The following RICTOR variants were observed in gnomAD, a reference collection of about 807,000 sequenced individuals.
RICTOR encodes RPTOR independent companion of MTOR complex 2.
Under a neutral mutation model 214.9 loss-of-function variants are expected in RICTOR, and 49 were observed. That is an observed-to-expected ratio of 0.23 (90% CI 0.18 to 0.29). The LOEUF (loss-of-function observed/expected upper bound fraction) is 0.29, where lower values mean the gene tolerates loss of function less well. Among genes scored for constraint, RICTOR ranks in the 10% least tolerant of loss-of-function variants. The pLI, the probability that RICTOR is intolerant of heterozygous loss-of-function variation, is 1.00. For synonymous variants in RICTOR, 717 were observed against 711.3 expected (o/e 1.01, Z -0.13); for missense variants, 1,625 against 2,047.0 (o/e 0.79, Z 3.98).
intron 2 of RICTOR, among the ~76,000 whole-genome samples, chr5:39,039,844 T>C (rs949371491): frequency 2.6e-5 from 4 of 152,008 alleles, no homozygotes; most frequent in South Asian, 2.1e-4. Context: ...TGTGGAGAAA[T>C]AGGAACACTT....
Position 39,017,972 on chromosome 5 carries a change from A to T in RICTOR, c.195+3067T>A, listed in dbSNP as rs116312916. Among the ~76,000 whole-genome samples the T allele has an allele frequency of 5.0e-3, 755 of 152,252 alleles. 10 individuals carry two copies. The highest frequency in any genetic ancestry group is 0.017 in the African/African-American group (725 of 41,554). ...CGATACCAATACTGATGAACTGTGGATCATATTTTGAGCAGCAAGGGATTA... is the reference window on the plus strand; with the variant it reads ...CGATACCAATACTGATGAACTGTGGTTCATATTTTGAGCAGCAAGGGATTA... On this transcript the variant is annotated intron_variant, in intron 3 of 37. Coordinates refer to ENST00000357387, the MANE Select transcript of RICTOR (RefSeq NM_152756.5).
chr5:39,020,970 A>G (rs1272978078), intron 3 of RICTOR, 69 bp downstream of exon 3: 4 of 811,888 alleles, frequency 4.9e-6, no homozygotes, highest in Non-Finnish European at 6.6e-6. Flanking sequence ...AATGATGGTC[A>G]AGAAACATTT....
In RICTOR at chr5:38,971,794, T is replaced by C; in HGVS notation, c.972+83A>G. On this transcript the variant is annotated intron_variant, in intron 11 of 37. Transcript: ENST00000357387. The stretch of plus-strand genomic sequence containing the variant: ...ATTAACAACTAATGAGGAAAACACA[T>C]CACCTGAAATAATTTTTTTTTTATA... 8.9e-6 allele frequency: 6 copies of C among 674,326 alleles called. No homozygotes were observed. The South Asian group carries it at 1.1e-4, about 12-fold the overall frequency. The allele number at this position is 674,326 out of a possible 1,614,324, so 41.8% of individuals were successfully genotyped here.
chr5:38,999,572 T>C (rs1753456008), intron 5 of RICTOR, among the ~76,000 whole-genome samples: 1 of 151,940 alleles, frequency 6.6e-6, no homozygotes, highest in Non-Finnish European at 1.5e-5. Flanking sequence ...AAAGACTTCA[T>C]AGCCAAGACA....
Position 39,025,802 on chromosome 5 carries a change from T to C in RICTOR, c.98-4666A>G, listed in dbSNP as rs117727981. Among the ~76,000 whole-genome samples, 19 of 152,296 alleles carry C rather than the reference T, an allele frequency of 1.2e-4. No homozygotes were observed. In the East Asian group the frequency reaches 1.7e-3, roughly 14 times the overall value. ...TACCTCCCAGAGGCCCACCTCCTAA[T>C]ACCAATACGTTACGGGTTAGGATTT... is the stretch of plus-strand genomic sequence containing the variant. On this transcript the variant is annotated intron_variant, in intron 2 of 37. Transcript: ENST00000357387.
At chr5:38,997,327 T>C (rs1753253824) in intron 5 of RICTOR, among the ~76,000 whole-genome samples, 1 of 152,220 alleles carries the variant, frequency 6.6e-6, no homozygotes, top group Non-Finnish European at 1.5e-5. Context: ...AATTCTATCT[T>C]ACCAAAATAT....
intron 2 of RICTOR, among the ~76,000 whole-genome samples, chr5:39,060,652 A>T (rs1758480753): frequency 6.6e-6 from 1 of 152,028 alleles, no homozygotes; most frequent in Admixed American, 6.6e-5. Context: ...TCAAGTTAGA[A>T]AAGAACAGGA....
At chr5:38,943,157 G>GT (rs371095614) in intron 36 of RICTOR, 186 bp from the exon 37 acceptor site, 9,260 of 305,792 alleles carry the variant, frequency 0.03, 129 homozygotes, top group African/African-American at 0.13. Flanking sequence ...TCTGAGTTTG[G>GT]GTTTTTTTTT....
At chr5:38,966,817 T>TTTTA in intron 14 of RICTOR, 96 bp from the exon 15 acceptor site, 1 of 697,926 alleles carries the variant, frequency 1.4e-6, no homozygotes, top group Non-Finnish European at 2.4e-6. Flanking sequence ...TTTTTTTTTT[T>TTTTA]AAGACAAGAG....
intron 2 of RICTOR, among the ~76,000 whole-genome samples, chr5:39,061,244 T>TAC (rs1758521874): frequency 6.6e-6 from 1 of 152,060 alleles, no homozygotes. Context: ...CTACTTTTTA[T>TAC]TTGCAAACAC....
chr5:39,063,394 T>G (rs911782237), intron 2 of RICTOR, among the ~76,000 whole-genome samples: 4 of 152,124 alleles, frequency 2.6e-5, no homozygotes, highest in African/African-American at 4.8e-5. Context: ...CAACATTATC[T>G]TGAAATACTA....
intron 16 of RICTOR, among the ~76,000 whole-genome samples, chr5:38,964,540 A>AT (rs1193459436): frequency 5.3e-5 from 8 of 151,916 alleles, no homozygotes; most frequent in African/African-American, 1.9e-4. Context: ...TTTTAGTAAT[A>AT]TGATAACCAT....
At position 38,940,580 on chromosome 5, in the gene RICTOR, T is replaced by A. The variant is rs1042554340; in HGVS notation, c.*1724A>T. On this transcript the variant is annotated 3_prime_UTR_variant, in exon 38 of 38. Transcript: ENST00000357387. ...AAAATTATTTATCTTCAACTGGATT[T>A]TATGAGAGAAAATCTGAAGAACCAC... 1.3e-5 allele frequency: 3 copies of A among 232,522 alleles called. No individual in the cohort carries two copies. The highest frequency in any genetic ancestry group is 2.6e-5 in the Non-Finnish European group (3 of 117,514). The allele number at this position is 232,522 out of a possible 1,614,324, so 14.4% of individuals were successfully genotyped here.
At chr5:39,034,496 A>C in intron 2 of RICTOR, among the ~76,000 whole-genome samples, 1 of 152,356 alleles carries the variant, frequency 6.6e-6, no homozygotes, top group East Asian at 1.9e-4. Flanking sequence ...CGCACCGTGC[A>C]TGAGCCAAAG....
Position 39,074,389 on chromosome 5 carries a change from T to A in RICTOR, c.-12A>T. ...CCGATCGCCGCCATATTGACGGGTT[T>A]CAGTCACAACACCGGAAACCTCGCC... On this transcript the variant is annotated 5_prime_UTR_variant, in exon 1 of 38. Coordinates refer to ENST00000357387, the MANE Select transcript of RICTOR (RefSeq NM_152756.5). The A allele has an allele frequency of 2.0e-6, 3 of 1,536,514 alleles. No individual in the cohort carries two copies. The highest frequency in any genetic ancestry group is 2.6e-6 in the Non-Finnish European group (3 of 1,140,646).
chr5:38,945,745 A>T, intron 33 of RICTOR, 21 bp from the exon 34 acceptor site: 1 of 1,251,874 alleles, frequency 8.0e-7, no homozygotes, highest in South Asian at 1.3e-5. Flanking sequence ...GTAAATATAA[A>T]ACATAATCCA....
Position 39,002,674 on chromosome 5 carries a change from AAAAC to A in RICTOR, c.261-12_261-9del. ...AATAAAGCTAACCGCAAACTGTATG[AAAAC>A]AAACAAAATACAAGTTTTGCTGCAC... On this transcript the variant is annotated splice_polypyrimidine_tract_variant and intron_variant, in intron 4 of 37. Transcript: ENST00000357387. The A allele has an allele frequency of 1.3e-6, 2 of 1,589,154 alleles. No individual in the cohort carries two copies. The highest frequency in any genetic ancestry group is 1.7e-6 in the Non-Finnish European group (2 of 1,171,806).
intron 15 of RICTOR, among the ~76,000 whole-genome samples, 197 bp downstream of exon 15, chr5:38,966,444 T>C (rs961661477): frequency 4.6e-5 from 7 of 152,242 alleles, no homozygotes; most frequent in Admixed American, 2.6e-4. Context: ...AAAATATGCA[T>C]GTGCATGCGC....
intron 6 of RICTOR, among the ~76,000 whole-genome samples, chr5:38,995,043 G>A (rs1161059358): frequency 6.6e-6 from 1 of 152,280 alleles, no homozygotes; most frequent in East Asian, 1.9e-4. Flanking sequence ...ACTGAATGCA[G>A]AAGCAAATAT....
Sources: allele counts gnomAD v4.1 joint callset (sites outside exome capture counted in the v4.1 genomes callset), GRCh38; gene constraint gnomAD v4.1.1; transcripts MANE v1.5; gene names NCBI Gene and HGNC (gene_info 2026-07-23, HGNC 2026-07-21).